ACO2: variants seen among roughly 807,000 people sequenced by gnomAD.
ACO2 encodes aconitate hydratase, mitochondrial.
In ACO2, 31 loss-of-function variants were observed where a neutral mutation model predicts 84.5. The observed-to-expected ratio is 0.37, with a 90% CI of 0.28 to 0.50. The LOEUF (loss-of-function observed/expected upper bound fraction) is 0.50, where lower values mean the gene tolerates loss of function less well. Ranked by LOEUF, ACO2 falls within the 20% of genes least tolerant of loss-of-function variation. The pLI, the probability that ACO2 is intolerant of heterozygous loss-of-function variation, is 0.97. For synonymous variants in ACO2, 414 were observed against 412.7 expected, an observed-to-expected ratio of 1.00 and a Z score of -0.04; for missense variants, 685 against 1,029.3, an observed-to-expected ratio of 0.67 and a Z score of 4.58.
intron 8 of ACO2, among the ~76,000 whole-genome samples, chr22:41,519,130 T>C (rs1422307166): frequency 6.6e-6 from 1 of 152,176 alleles, no homozygotes; most frequent in Non-Finnish European, 1.5e-5. Flanking sequence ...AGCTCAGCTT[T>C]AGGAGAAGCC....
intron 17 of ACO2, 51 bp downstream of exon 17, chr22:41,528,073 GT>G (rs768971225): frequency 6.2e-7 from 1 of 1,612,412 alleles, no homozygotes; most frequent in South Asian, 1.1e-5. Flanking sequence ...CAGCCACCTT[GT>G]TTCCCCTCCT....
chr22:41,524,376 C>T (rs1315451766), intron 12 of ACO2, among the ~76,000 whole-genome samples: 6 of 152,356 alleles, frequency 3.9e-5, no homozygotes, highest in African/African-American at 1.4e-4. Context: ...TGAGCCTTGC[C>T]CTTGGCGGTA....
intron 2 of ACO2, among the ~76,000 whole-genome samples, chr22:41,500,993 T>C: frequency 6.6e-6 from 1 of 151,402 alleles, no homozygotes; most frequent in East Asian, 1.9e-4. Context: ...TGTGAGCCAC[T>C]GTGCCCAGCT....
chr22:41,503,475 C>T (rs549590560), intron 2 of ACO2, among the ~76,000 whole-genome samples: 35 of 152,094 alleles, frequency 2.3e-4, no homozygotes, highest in African/African-American at 3.1e-4. Context: ...GGATTACAGG[C>T]GCCTGCCACC....
chr22:41,493,444 C>G (rs1184871714), intron 1 of ACO2, among the ~76,000 whole-genome samples: 2 of 152,192 alleles, frequency 1.3e-5, no homozygotes, highest in African/African-American at 4.8e-5. Flanking sequence ...TACAGCCTCT[C>G]ACTGCTCTGA....
chr22:41,489,358 C>G (rs1312134618), intron 1 of ACO2, among the ~76,000 whole-genome samples: 1 of 152,150 alleles, frequency 6.6e-6, no homozygotes, highest in Admixed American at 6.6e-5. Flanking sequence ...TAATAATACT[C>G]TTAATAGTAA....
chr22:41,511,379 C>G (rs1195549118), intron 3 of ACO2, among the ~76,000 whole-genome samples: 1 of 152,172 alleles, frequency 6.6e-6, no homozygotes, highest in Admixed American at 6.5e-5. Context: ...GCCATGTTGG[C>G]CAGGCTGGTC....
chr22:41,527,138 GGCA>G lies in ACO2; in HGVS notation c.1954-145_1954-143del. 3 of 1,166,640 alleles carry G rather than the reference GGCA, an allele frequency of 2.6e-6. No individual in the cohort carries two copies. In the East Asian group the frequency reaches 7.4e-5, roughly 29 times the overall value. 72.3% of individuals were successfully genotyped at this position (1,166,640 alleles called of 1,614,324 possible). Reference sequence around the variant, plus strand: ...TTCACGCAGGCTTCACTTGCCCTTAGGCAGCAGGCGAGGAAGGGCCCCTCCAGC... The same window carrying G: ...TTCACGCAGGCTTCACTTGCCCTTAGGCAGGCGAGGAAGGGCCCCTCCAGC... On this transcript the variant is annotated intron_variant, in intron 15 of 17. Transcript: ENST00000216254.
intron 1 of ACO2, among the ~76,000 whole-genome samples, chr22:41,497,112 A>C (rs565452313): frequency 2.0e-5 from 3 of 151,088 alleles, no homozygotes; most frequent in Admixed American, 6.6e-5. Context: ...TCTGTCACCC[A>C]GGCTGGAGTG....
intron 1 of ACO2, among the ~76,000 whole-genome samples, chr22:41,474,592 CTTTTTTTT>C (rs34289556): frequency 1.0e-4 from 3 of 29,658 alleles, no homozygotes; most frequent in African/African-American, 2.9e-4. Flanking sequence ...TGCGCCTAGC[CTTTTTTTT>C]TTTTTTTTTT....
In ACO2 at chr22:41,470,947, T is replaced by C. The variant is rs1385993678; in HGVS notation, c.36+1765T>C. Among the ~76,000 whole-genome samples, 3 of 152,138 alleles carry C rather than the reference T, an allele frequency of 2.0e-5. No homozygotes were observed. The East Asian group carries it at 5.8e-4, about 29-fold the overall frequency. ...CAAGATTATTTGATAAGATAAATGA[T>C]TATAGAGTTCTTGAACTTGGAAGAG... On this transcript the variant is annotated intron_variant, in intron 1 of 17. Coordinates refer to ENST00000216254, the MANE Select transcript of ACO2 (RefSeq NM_001098.3).
chr22:41,478,485 G>C (rs2038046874), intron 1 of ACO2, among the ~76,000 whole-genome samples: 1 of 152,204 alleles, frequency 6.6e-6, no homozygotes, highest in East Asian at 1.9e-4. Context: ...GTTGGGGGAA[G>C]AGGTAGAAAT....
intron 1 of ACO2, among the ~76,000 whole-genome samples, chr22:41,496,286 G>T (rs1050299285): frequency 6.6e-5 from 10 of 152,254 alleles, no homozygotes; most frequent in Admixed American, 2.6e-4. Flanking sequence ...CTACACTCCA[G>T]CCTGGGCGAT....
At position 41,520,169 on chromosome 22, in the gene ACO2, A is replaced by T. The variant is rs2146130891; in HGVS notation, c.1033-2A>T. The T allele has an allele frequency of 6.2e-7, 1 of 1,611,272 alleles. No homozygotes were observed. Among genetic ancestry groups the T allele is most frequent in the Non-Finnish European group, 8.5e-7 (1 of 1,177,948 alleles). On this transcript the variant is annotated splice_acceptor_variant, in intron 8 of 17. Transcript: ENST00000216254. LOFTEE classifies it high-confidence loss of function. ...CTTCTCCTTGCATGTTTGTTTCTTC[A>T]GCTGAAGCCACACATCAATGGGCCC...
chr22:41,503,116 T>C (rs1030624608), intron 2 of ACO2, among the ~76,000 whole-genome samples: 3 of 152,230 alleles, frequency 2.0e-5, no homozygotes, highest in Admixed American at 1.3e-4. Context: ...AAACAATTAA[T>C]AACAACAACA....
chr22:41,528,439 G>C (rs1034180956), intron 17 of ACO2, 40 bp from the exon 18 acceptor site: 6 of 1,606,414 alleles, frequency 3.7e-6, no homozygotes, highest in Non-Finnish European at 5.1e-6. Context: ...AGGGCACACA[G>C]TACCCACCAC....
chr22:41,518,166 T>C (rs1030554333), intron 7 of ACO2, among the ~76,000 whole-genome samples: 1 of 152,216 alleles, frequency 6.6e-6, no homozygotes, highest in Non-Finnish European at 1.5e-5. Context: ...CGTAAGCACG[T>C]GGAATCCTTG....
At chr22:41,526,071 C>G (rs2066588117) in intron 14 of ACO2, 191 bp from the exon 15 acceptor site, 6 of 561,232 alleles carry the variant, frequency 1.1e-5, no homozygotes, top group Non-Finnish European at 1.9e-5. Flanking sequence ...GGATGAAGGC[C>G]TGGCCTGAGC....
chr22:41,475,169 CTTT>C (rs1161178390), intron 1 of ACO2, among the ~76,000 whole-genome samples: 4 of 120,204 alleles, frequency 3.3e-5, no homozygotes, highest in Non-Finnish European at 5.2e-5. Context: ...TTGTTTTTTC[CTTT>C]TTTTTTTTTT....
Sources: allele counts gnomAD v4.1 joint callset (sites outside exome capture counted in the v4.1 genomes callset), GRCh38; gene constraint gnomAD v4.1.1; transcripts MANE v1.5; gene names NCBI Gene and HGNC (gene_info 2026-07-23, HGNC 2026-07-21).